Variants in PRIM2 observed in about 807,000 individuals in gnomAD.
The protein encoded by PRIM2 is DNA primase large subunit.
PRIM2 carries 39 observed loss-of-function variants against 67.3 expected under a neutral mutation model. The ratio of observed to expected loss-of-function variants is 0.58; its 90% CI spans 0.45 to 0.76. The LOEUF (loss-of-function observed/expected upper bound fraction) is 0.76. Among genes scored for constraint, PRIM2 ranks in the 30% least tolerant of loss-of-function variants. PRIM2 has a pLI of 0.00. For missense variants in PRIM2, 398 were observed against 598.7 expected (o/e 0.66, Z 3.50); for synonymous variants, 143 against 198.7 (o/e 0.72, Z 2.36).
At chr6:57,560,947 A>G (rs1262107134) in intron 10 of PRIM2, among the ~76,000 whole-genome samples, 3 of 152,194 alleles carry the variant, frequency 2.0e-5, no homozygotes, top group African/African-American at 7.2e-5. Flanking sequence ...ACCAGTTGCT[A>G]TAGCCCCTAA....
intron 12 of PRIM2, 99 bp downstream of exon 12, chr6:57,606,556 T>C: frequency 1.2e-6 from 1 of 845,060 alleles, no homozygotes; most frequent in Non-Finnish European, 1.9e-6. Context: ...GTACTACTTG[T>C]CAGGCCTCAC....
At chr6:57,322,094 T>A (rs1009697938) in intron 3 of PRIM2, among the ~76,000 whole-genome samples, 8 of 152,156 alleles carry the variant, frequency 5.3e-5, no homozygotes, top group African/African-American at 9.7e-5. Flanking sequence ...TGTACTTTTT[T>A]AAAATGTGTA....
At chr6:57,515,715 A>G (rs1774473839) in intron 8 of PRIM2, among the ~76,000 whole-genome samples, 1 of 152,228 alleles carries the variant, frequency 6.6e-6, no homozygotes, top group Non-Finnish European at 1.5e-5. Context: ...GCATTTTTAT[A>G]TAAAGAAAAT....
At chr6:57,503,989 A>G (rs1427673240) in intron 7 of PRIM2, among the ~76,000 whole-genome samples, 1 of 152,324 alleles carries the variant, frequency 6.6e-6, no homozygotes, top group East Asian at 1.9e-4. Flanking sequence ...GGTAAAGTGA[A>G]TCTTGAAAAG....
At chr6:57,329,627 C>T (rs1310322943) in intron 5 of PRIM2, among the ~76,000 whole-genome samples, 2 of 152,000 alleles carry the variant, frequency 1.3e-5, no homozygotes, top group East Asian at 1.9e-4. Context: ...GGGGCCTCCC[C>T]CTTTGCTTGG....
chr6:57,552,016 A>G (rs1775414450), intron 10 of PRIM2, among the ~76,000 whole-genome samples: 2 of 152,246 alleles, frequency 1.3e-5, no homozygotes, highest in East Asian at 3.9e-4. Flanking sequence ...GTGTACTCAG[A>G]ATTAACAGAC....
chr6:57,437,544 GT>G (rs1429178096), intron 7 of PRIM2, among the ~76,000 whole-genome samples: 2 of 151,638 alleles, frequency 1.3e-5, no homozygotes, highest in Non-Finnish European at 2.9e-5. Context: ...GGAACAAAAA[GT>G]TTTTTTGAGG....
intron 10 of PRIM2, among the ~76,000 whole-genome samples, chr6:57,539,662 A>G (rs1284730315): frequency 0.012 from 994 of 81,250 alleles, 2 homozygotes; most frequent in East Asian, 0.05. Context: ...GTGTGTATAT[A>G]TATATATATA....
intron 7 of PRIM2, among the ~76,000 whole-genome samples, chr6:57,415,062 C>CT (rs2127367013): frequency 6.6e-6 from 1 of 152,090 alleles, no homozygotes; most frequent in East Asian, 1.9e-4. Flanking sequence ...ATGTAAGTGA[C>CT]TTATATACTC....
At chr6:57,320,424 A>C in intron 2 of PRIM2, 33 bp from the exon 3 acceptor site, 2 of 1,420,880 alleles carry the variant, frequency 1.4e-6, no homozygotes, top group Non-Finnish European at 1.9e-6. Context: ...TTAAAACATT[A>C]TCTTGCATTT....
chr6:57,534,361 G>A (rs1248606131), intron 9 of PRIM2, among the ~76,000 whole-genome samples: 2 of 152,064 alleles, frequency 1.3e-5, no homozygotes, highest in Non-Finnish European at 2.9e-5. Context: ...TAATGGTCTT[G>A]TGTACTGGCG....
rs1204600078 is a variant in PRIM2 at position 57,517,011 on chromosome 6, C to A, written c.761+9557C>A. On this transcript the variant is annotated intron_variant, in intron 8 of 13. Coordinates refer to ENST00000615550, the MANE Select transcript of PRIM2 (RefSeq NM_000947.5). ...ATCTCCAACCAGAGATTGTAGATTT[C>A]CCTTAGTCCTCTGACTCCAAAGTTT... is the stretch of plus-strand genomic sequence containing the variant. 4.6e-3 allele frequency among the ~76,000 whole-genome samples: 693 copies of A among 152,260 alleles called. 3 individuals are homozygous for A. Among genetic ancestry groups the A allele is most frequent in the African/African-American group, 0.015 (607 of 41,534 alleles).
chr6:57,608,564 C>A (rs1776602546), intron 12 of PRIM2, among the ~76,000 whole-genome samples: 1 of 151,826 alleles, frequency 6.6e-6, no homozygotes, highest in Non-Finnish European at 1.5e-5. Flanking sequence ...AAAAACCTGT[C>A]TCTACAAAAA....
chr6:57,515,572 G>A (rs1774468621), intron 8 of PRIM2, among the ~76,000 whole-genome samples: 1 of 152,146 alleles, frequency 6.6e-6, no homozygotes, highest in Non-Finnish European at 1.5e-5. Context: ...AAGCTTATTA[G>A]CGTGTGTAGA....
At chr6:57,483,572 A>T (rs1181787211) in intron 7 of PRIM2, among the ~76,000 whole-genome samples, 1 of 152,114 alleles carries the variant, frequency 6.6e-6, no homozygotes, top group Admixed American at 6.5e-5. Flanking sequence ...TTCAGTAATG[A>T]GGAGTAGATG....
At chr6:57,453,708 A>G (rs201042157) in intron 7 of PRIM2, among the ~76,000 whole-genome samples, 2 of 152,068 alleles carry the variant, frequency 1.3e-5, no homozygotes, top group South Asian at 4.2e-4. Context: ...GGGTTTTCTA[A>G]ATATACAATC....
the PRIM2 span, among the ~76,000 whole-genome samples, chr6:57,282,336 T>C: frequency 6.6e-6 from 1 of 152,240 alleles, no homozygotes; most frequent in African/African-American, 2.4e-5. Context: ...GCTTTTTCTT[T>C]TAGAGGTGTC....
At chr6:57,358,215 T>G (rs1263945329) in intron 5 of PRIM2, among the ~76,000 whole-genome samples, 1 of 152,210 alleles carries the variant, frequency 6.6e-6, no homozygotes, top group African/African-American at 2.4e-5. Flanking sequence ...GATCAAGCAA[T>G]AGTGTGCAGT....
chr6:57,438,766 A>AC (rs1772095401), intron 7 of PRIM2, among the ~76,000 whole-genome samples: 1 of 147,516 alleles, frequency 6.8e-6, no homozygotes, highest in South Asian at 2.2e-4. Flanking sequence ...AGTTTTCGGC[A>AC]TTTTTTTTTT....
Sources: gnomAD v4.1 joint callset for allele counts (sites outside exome capture counted in the v4.1 genomes callset) on GRCh38, gnomAD v4.1.1 for gene constraint, MANE v1.5 for transcripts, NCBI Gene and HGNC (gene_info 2026-07-23, HGNC 2026-07-21) for gene names.